Variants in HTRA3 observed in about 807,000 individuals in gnomAD.
HTRA3 encodes the protein serine protease HTRA3.
HTRA3 carries 41 observed loss-of-function variants against 43.2 expected under a neutral mutation model. The observed-to-expected ratio is 0.95, with a 90% CI of 0.74 to 1.23. The LOEUF (loss-of-function observed/expected upper bound fraction) is 1.23, where lower values mean the gene tolerates loss of function less well. HTRA3 is among the 50% of genes most tolerant of loss of function. HTRA3 has a pLI of 0.00. For missense variants in HTRA3, 628 were observed against 647.1 expected (o/e 0.97, Z 0.32); for synonymous variants, 295 against 287.9 (o/e 1.02, Z -0.25).
chr4:8,275,875 G>A (rs763786598), intron 1 of HTRA3, among the ~76,000 whole-genome samples: 45 of 152,242 alleles, frequency 3.0e-4, no homozygotes, highest in Non-Finnish European at 5.9e-4. Flanking sequence ...CTGAGCCCAG[G>A]TCCCCTGGTT....
chr4:8,304,321 C>T (rs755948103), intron 8 of HTRA3, 42 bp downstream of exon 8: 5 of 1,536,318 alleles, frequency 3.3e-6, no homozygotes, highest in South Asian at 1.1e-5. Flanking sequence ...ATGGGGCAGG[C>T]GTGAGGTCTG....
Position 8,301,237 on chromosome 4 carries a change from ATTG to A in HTRA3, c.1052-1225_1052-1223del, listed in dbSNP as rs1713643403. The stretch of plus-strand genomic sequence containing the variant: ...TTATTGATTCACAGACATCTTTATT[ATTG>A]ATTCACACTCAGCTTTATTGATTCA... On this transcript the variant is annotated intron_variant, in intron 6 of 8. Transcript: ENST00000307358. 6.7e-5 allele frequency among the ~76,000 whole-genome samples: 5 copies of A among 74,830 alleles called. No individual in the cohort carries two copies. The South Asian group carries it at 2.4e-3, about 35-fold the overall frequency. The allele number at this position is 74,830 out of a possible 152,430, so 49.1% of individuals were successfully genotyped here.
rs373526282 is a variant in HTRA3 at position 8,295,648 on chromosome 4, T to G, written c.1051+1447T>G. 37 of 1,369,526 alleles carry G rather than the reference T, an allele frequency of 2.7e-5. No homozygotes were observed. Among genetic ancestry groups the G allele is most frequent in the Non-Finnish European group, 3.0e-5 (32 of 1,056,224 alleles). 84.8% of individuals were successfully genotyped at this position (1,369,526 alleles called of 1,614,324 possible). A position where few individuals can be genotyped will look rare whatever the true frequency, so the allele number is the denominator to read the frequency against. On this transcript the variant is annotated intron_variant, in intron 6 of 8. Coordinates refer to ENST00000307358, the MANE Select transcript of HTRA3 (RefSeq NM_053044.5). This position sits in a 1 kb window ranked among gnomAD's most constrained non-coding sequence, Gnocchi z 6.9. ...CCACCTCCTGGCCAACGCCCAGGCC[T>G]GACTCAGCAACTCACACTTCCACAT...
At chr4:8,277,581 G>A (rs1712579159) in intron 1 of HTRA3, among the ~76,000 whole-genome samples, 3 of 152,202 alleles carry the variant, frequency 2.0e-5, no homozygotes, top group Admixed American at 6.5e-5. Flanking sequence ...AGGAATGACA[G>A]GAAGGGCATA....
rs186420241 is a variant in HTRA3 at position 8,290,105 on chromosome 4, A to G, written c.709-1265A>G. Reference sequence around the variant, plus strand: ...CATCTCTCCGGGCCCTCACCTTCCAATGTGCAGGCCTGGTTCCGCCACCTG... The same window carrying G: ...CATCTCTCCGGGCCCTCACCTTCCAGTGTGCAGGCCTGGTTCCGCCACCTG... On this transcript the variant is annotated intron_variant, in intron 3 of 8. Coordinates refer to ENST00000307358, the MANE Select transcript of HTRA3 (RefSeq NM_053044.5). Among the ~76,000 whole-genome samples, 273 of 152,276 alleles carry G rather than the reference A, an allele frequency of 1.8e-3. 1 individual carries two copies. The highest frequency in any genetic ancestry group is 6.4e-3 in the African/African-American group (264 of 41,560).
chr4:8,287,255 C>T (rs774421336), intron 3 of HTRA3, among the ~76,000 whole-genome samples: 1 of 152,082 alleles, frequency 6.6e-6, no homozygotes, highest in Non-Finnish European at 1.5e-5. Context: ...GCACTGAGGC[C>T]CCCAGAATCC....
chr4:8,284,249 G>C (rs764698181), intron 2 of HTRA3, among the ~76,000 whole-genome samples: 3 of 152,316 alleles, frequency 2.0e-5, no homozygotes, highest in Non-Finnish European at 4.4e-5. Flanking sequence ...CGAGCCCCGG[G>C]CCCTGAGACA....
chr4:8,294,096 G>C lies in HTRA3; in HGVS notation c.946G>C (p.Val316Leu). The C allele has an allele frequency of 6.2e-7, 1 of 1,609,736 alleles. No individual in the cohort carries two copies. Residue 316 changes from valine to leucine, a missense_variant, in exon 6 of 9, where the codon GTC (valine) becomes CTC (leucine). By Grantham distance (32) the Val-to-Leu change is conservative. Transcript: ENST00000307358. Reference sequence around the variant, plus strand: ...TTACCTCCCTGCCCAGGATGGCGAGGTCATTGGCATCAACACGCTCAAGGT... The same window carrying C: ...TTACCTCCCTGCCCAGGATGGCGAGCTCATTGGCATCAACACGCTCAAGGT... ...GGPLVNLDGE[V>L]IGINTLKVTA...
Position 8,297,459 on chromosome 4 carries a change from C to T in HTRA3, c.1051+3258C>T, listed in dbSNP as rs930901502. The stretch of plus-strand genomic sequence containing the variant: ...CTGTGAGCCAGAGGTCCTGCCCTCC[C>T]GCTTTCCTTCTAGCAGGGAGACGGG... On this transcript the variant is annotated intron_variant, in intron 6 of 8. Transcript: ENST00000307358. This position sits in a 1 kb window ranked among gnomAD's most constrained non-coding sequence, Gnocchi z 5.8. Among the ~76,000 whole-genome samples the T allele has an allele frequency of 4.6e-5, 7 of 152,018 alleles. No homozygotes were observed. Among genetic ancestry groups the T allele is most frequent in the East Asian group, 1.9e-4 (1 of 5,180 alleles).
intron 6 of HTRA3, among the ~76,000 whole-genome samples, chr4:8,299,420 A>G (rs1713561520): frequency 6.6e-6 from 1 of 152,132 alleles, no homozygotes; most frequent in Admixed American, 6.5e-5. Context: ...ATAGATGGCT[A>G]TGCAGTCTGT....
intron 5 of HTRA3, 145 bp from the exon 6 acceptor site, chr4:8,293,942 G>C (rs932830100): frequency 8.3e-6 from 5 of 599,004 alleles, no homozygotes; most frequent in Non-Finnish European, 1.5e-5. Flanking sequence ...GATCCTGAGA[G>C]TGAGCTTTTC....
chr4:8,301,526 ACT>A (rs1560143677), intron 6 of HTRA3, among the ~76,000 whole-genome samples: 1 of 151,986 alleles, frequency 6.6e-6, no homozygotes, highest in South Asian at 2.1e-4. Context: ...ATTAATTCAC[ACT>A]CAACTTTATT....
In HTRA3 at chr4:8,306,667, G is replaced by A. The variant is rs549758341; in HGVS notation, c.*531G>A. 1.9e-5 allele frequency: 3 copies of A among 153,910 alleles called. No homozygotes were observed. The allele number at this position is 153,910 out of a possible 1,614,324, so 9.5% of individuals were successfully genotyped here. A position where few individuals can be genotyped will look rare whatever the true frequency, so the allele number is the denominator to read the frequency against. On this transcript the variant is annotated 3_prime_UTR_variant, in exon 9 of 9. Coordinates refer to ENST00000307358, the MANE Select transcript of HTRA3 (RefSeq NM_053044.5). This position sits in a 1 kb window ranked among gnomAD's most constrained non-coding sequence, Gnocchi z 8.9. ...AGGTCACATCTGATCCCTTTGGGGT[G>A]CGGGGGTGGGGTCCAGCCCAGAGCA...
chr4:8,270,506 A>G (rs1301740494), intron 1 of HTRA3, among the ~76,000 whole-genome samples, 153 bp downstream of exon 1: 1 of 152,198 alleles, frequency 6.6e-6, no homozygotes, highest in East Asian at 1.9e-4. Flanking sequence ...CTTTCAGATG[A>G]AGAAACTGAG....
At chr4:8,288,913 C>CCTTCCTTCCTTCCTTA in intron 3 of HTRA3, among the ~76,000 whole-genome samples, 1 of 146,778 alleles carries the variant, frequency 6.8e-6, no homozygotes, top group South Asian at 2.2e-4. Flanking sequence ...TTCCTTCCTT[C>CCTTCCTTCCTTCCTTA]CTTCCTTCCT....
chr4:8,292,115 A>G (rs1465720500), intron 4 of HTRA3, among the ~76,000 whole-genome samples: 3 of 152,236 alleles, frequency 2.0e-5, no homozygotes, highest in South Asian at 2.1e-4. Flanking sequence ...TGCAGAGAAC[A>G]GTGACAGTCA....
chr4:8,290,237 T>G (rs181542879), intron 3 of HTRA3, among the ~76,000 whole-genome samples: 95 of 152,358 alleles, frequency 6.2e-4, no homozygotes, highest in Non-Finnish European at 1.1e-3. Flanking sequence ...CGTAATCCTG[T>G]GCGGGGCTCC....
chr4:8,294,586 A>G (rs1350441279), intron 6 of HTRA3, among the ~76,000 whole-genome samples: 24 of 50 alleles, frequency 0.48, no homozygotes, highest in Non-Finnish European at 0.5. Flanking sequence ...CCGTCCGTCC[A>G]TCCATCCATC....
At chr4:8,270,440 C>T in intron 1 of HTRA3, 87 bp downstream of exon 1, 1 of 1,330,656 alleles carries the variant, frequency 7.5e-7, no homozygotes, top group Admixed American at 4.1e-5. Context: ...TCGAGGTCGC[C>T]CTTCCCTGGG....
Sources: allele counts gnomAD v4.1 joint callset (sites outside exome capture counted in the v4.1 genomes callset), GRCh38; gene constraint gnomAD v4.1.1; non-coding constraint Gnocchi (gnomAD v3.1); transcripts MANE v1.5; gene names NCBI Gene and HGNC (gene_info 2026-07-23, HGNC 2026-07-21).